Variants in MFSD6 observed in about 807,000 individuals in gnomAD.
MFSD6 encodes the protein major facilitator superfamily domain containing 6.
MFSD6 carries 26 observed loss-of-function variants against 56.3 expected under a neutral mutation model. The ratio of observed to expected loss-of-function variants is 0.46; its 90% CI spans 0.34 to 0.64. The LOEUF is 0.64. Among genes scored for constraint, MFSD6 ranks in the 30% least tolerant of loss-of-function variants. MFSD6 has a pLI of 0.01. For missense variants in MFSD6, 750 were observed against 986.2 expected (o/e 0.76, Z 3.21); for synonymous variants, 331 against 366.9 (o/e 0.90, Z 1.12).
chr2:190,435,447 C>T (rs951115896), intron 2 of MFSD6: 24 of 152,642 alleles, frequency 1.6e-4, no homozygotes, highest in African/African-American at 5.8e-4. Flanking sequence ...GTATCTTTGT[C>T]ATGGCTCCAG....
chr2:190,410,955 C>A lies in MFSD6; in HGVS notation c.-176+2452C>A. 1 of 173,544 alleles carries A rather than the reference C, an allele frequency of 5.8e-6. No homozygotes were observed. Among genetic ancestry groups the A allele is most frequent in the Non-Finnish European group, 1.1e-5 (1 of 88,218 alleles). The allele number at this position is 173,544 out of a possible 1,614,324, so 10.8% of individuals were successfully genotyped here. On this transcript the variant is annotated intron_variant, in intron 1 of 7. Coordinates refer to ENST00000392328, the MANE Select transcript of MFSD6 (RefSeq NM_017694.4). The surrounding 1 kb of genome is among the most constrained non-coding windows in gnomAD (Gnocchi z 4.4). ...CCTGGAATCCCAGCTACTCAGGGGG[C>A]TGAGGTAGAGAATTGCTTGAATCCG...
At chr2:190,432,677 A>G (rs1686044891) in intron 2 of MFSD6, among the ~76,000 whole-genome samples, 1 of 152,100 alleles carries the variant, frequency 6.6e-6, no homozygotes, top group Admixed American at 6.5e-5. Flanking sequence ...TCAACCTCCT[A>G]AAGTGCTTGA....
chr2:190,469,911 A>G lies in MFSD6; in HGVS notation c.1630+56A>G, dbSNP rs931566918. On this transcript the variant is annotated intron_variant, in intron 4 of 7. Transcript: ENST00000392328. The surrounding 1 kb of genome is among the most constrained non-coding windows in gnomAD (Gnocchi z 5.3). ...CTCTGCCTTCCCTGAGCTGTGGCTA[A>G]AAGCCCAGTGGCCTTCAGCATCTGA... 84 of 1,290,244 alleles carry G rather than the reference A, an allele frequency of 6.5e-5. No homozygotes were observed. The highest frequency in any genetic ancestry group is 9.2e-5 in the Non-Finnish European group (83 of 898,720). The allele number at this position is 1,290,244 out of a possible 1,614,324, so 79.9% of individuals were successfully genotyped here.
chr2:190,452,432 C>G (rs1316974486), intron 3 of MFSD6, among the ~76,000 whole-genome samples: 3 of 152,102 alleles, frequency 2.0e-5, no homozygotes, highest in Non-Finnish European at 4.4e-5. Context: ...CCTATTTAAT[C>G]TTTTTAACAG....
In MFSD6 at chr2:190,499,357, T is replaced by A. The variant is rs1389832848; in HGVS notation, c.2173-658T>A. ...TAATTTGGGGGAGAATCCATTTAAA[T>A]TTTTTTTTATTTGTACAACCAATAT... On this transcript the variant is annotated intron_variant, in intron 7 of 7. Transcript: ENST00000392328. This position sits in a 1 kb window ranked among gnomAD's most constrained non-coding sequence, Gnocchi z 6.0. Among the ~76,000 whole-genome samples the A allele has an allele frequency of 1.3e-5, 2 of 151,392 alleles. No homozygotes were observed. Among genetic ancestry groups the A allele is most frequent in the Admixed American group, 6.6e-5 (1 of 15,228 alleles).
At chr2:190,477,860 A>C (rs1426766823) in intron 4 of MFSD6, among the ~76,000 whole-genome samples, 1 of 152,166 alleles carries the variant, frequency 6.6e-6, no homozygotes, top group African/African-American at 2.4e-5. Context: ...TGTATTGAAA[A>C]ATTCCCTACA....
chr2:190,464,038 A>C (rs1687470619), intron 3 of MFSD6: 4 of 321,872 alleles, frequency 1.2e-5, no homozygotes. Flanking sequence ...GAAATTGCCC[A>C]AGTGGTCTGT....
At chr2:190,480,037 C>A (rs1175380036) in intron 4 of MFSD6, among the ~76,000 whole-genome samples, 3 of 152,168 alleles carry the variant, frequency 2.0e-5, no homozygotes, top group Admixed American at 6.5e-5. Flanking sequence ...GTGGCATGCG[C>A]CTGTGGTCCC....
rs1203207520 is a variant in MFSD6, at chr2:190,495,188, C to G, written c.1892-2251C>G. 6.9e-6 allele frequency among the ~76,000 whole-genome samples: 1 copy of G among 144,532 alleles called. No homozygotes were observed. Among genetic ancestry groups the G allele is most frequent in the Non-Finnish European group, 1.5e-5 (1 of 65,836 alleles). 94.8% of individuals were successfully genotyped at this position (144,532 alleles called of 152,430 possible). ...AAAATTAATGTACACAAATCAGTAGCTCTGCTGTACACCAACAGTGACCAA... is the reference window on the plus strand; with the variant it reads ...AAAATTAATGTACACAAATCAGTAGGTCTGCTGTACACCAACAGTGACCAA... On this transcript the variant is annotated intron_variant, in intron 6 of 7. Coordinates refer to ENST00000392328, the MANE Select transcript of MFSD6 (RefSeq NM_017694.4). The surrounding 1 kb of genome is among the most constrained non-coding windows in gnomAD (Gnocchi z 4.7).
At chr2:190,409,586 A>C (rs562785495) in intron 1 of MFSD6, among the ~76,000 whole-genome samples, 2 of 152,300 alleles carry the variant, frequency 1.3e-5, no homozygotes, top group East Asian at 3.9e-4. Context: ...TCCTTCTAGA[A>C]GTCCATGATT....
At position 190,502,085 on chromosome 2, in the gene MFSD6, T is replaced by G. The variant is rs1224531400; in HGVS notation, c.*1867T>G. ...AATGAATACCATTTTTAAATGTTTCTTAAATGATAAAGATGTGACCAAACA... is the reference window on the plus strand; with the variant it reads ...AATGAATACCATTTTTAAATGTTTCGTAAATGATAAAGATGTGACCAAACA... On this transcript the variant is annotated 3_prime_UTR_variant, in exon 8 of 8. Transcript: ENST00000392328. This position sits in a 1 kb window ranked among gnomAD's most constrained non-coding sequence, Gnocchi z 4.4. 1.3e-5 allele frequency: 2 copies of G among 152,644 alleles called. No individual in the cohort carries two copies. Among genetic ancestry groups the G allele is most frequent in the Admixed American group, 6.5e-5 (1 of 15,278 alleles). 9.5% of individuals were successfully genotyped at this position (152,644 alleles called of 1,614,324 possible).
At position 190,423,948 on chromosome 2, in the gene MFSD6, A is replaced by G. The variant is rs1685709469; in HGVS notation, c.-54+8535A>G. Among the ~76,000 whole-genome samples, 1 of 152,182 alleles carries G rather than the reference A, an allele frequency of 6.6e-6. No homozygotes were observed. The highest frequency in any genetic ancestry group is 2.4e-5 in the African/African-American group (1 of 41,432). Reference sequence around the variant, plus strand: ...TTTATATATCCTGTCTATCCTCTTCAGTGAAATGTCCCTTCACGTTTTTTG... The same window carrying G: ...TTTATATATCCTGTCTATCCTCTTCGGTGAAATGTCCCTTCACGTTTTTTG... On this transcript the variant is annotated intron_variant, in intron 2 of 7. Coordinates refer to ENST00000392328, the MANE Select transcript of MFSD6 (RefSeq NM_017694.4). This position sits in a 1 kb window ranked among gnomAD's most constrained non-coding sequence, Gnocchi z 4.3.
rs1687416229 is a variant in MFSD6, at chr2:190,463,129, A to G, written c.1533-6629A>G. Among the ~76,000 whole-genome samples, 2 of 152,228 alleles carry G rather than the reference A, an allele frequency of 1.3e-5. No individual in the cohort carries two copies. Among genetic ancestry groups the G allele is most frequent in the African/African-American group, 4.8e-5 (2 of 41,452 alleles). On this transcript the variant is annotated intron_variant, in intron 3 of 7. Coordinates refer to ENST00000392328, the MANE Select transcript of MFSD6 (RefSeq NM_017694.4). The surrounding 1 kb of genome is among the most constrained non-coding windows in gnomAD (Gnocchi z 4.4). ...CTATTCTGCTAGTGAGGGACACAGAAATCCTGGCAAGATATCCACAGTAGC... is the reference window on the plus strand; with the variant it reads ...CTATTCTGCTAGTGAGGGACACAGAGATCCTGGCAAGATATCCACAGTAGC...
intron 6 of MFSD6, among the ~76,000 whole-genome samples, chr2:190,493,642 A>T (rs1689494353): frequency 6.6e-6 from 1 of 152,228 alleles, no homozygotes; most frequent in African/African-American, 2.4e-5. Context: ...GTCTCAATAA[A>T]TTTAAGAAAA....
chr2:190,437,309 C>T lies in MFSD6; in HGVS notation c.1280C>T (p.Thr427Ile), dbSNP rs767451103. Reference protein sequence around the residue: ...TESSEETPTTTSHSQAFNFWD... With the variant: ...TESSEETPTTISHSQAFNFWD... ...TCCTCTGAGGAGACACCAACCACCA[C>T]AAGCCACTCGCAGGCCTTCAACTTT... The change falls in exon 3 of 8, where the codon ACA becomes ATA. Residue 427 changes from threonine to isoleucine, a missense_variant. Transcript: ENST00000392328. The surrounding 1 kb of genome is among the most constrained non-coding windows in gnomAD (Gnocchi z 5.9). 6.2e-7 allele frequency: 1 copy of T among 1,614,236 alleles called. No individual in the cohort carries two copies. The highest frequency in any genetic ancestry group is 2.2e-5 in the East Asian group (1 of 44,884).
chr2:190,480,170 CAACA>C (rs1027786721), intron 4 of MFSD6, among the ~76,000 whole-genome samples: 3 of 152,188 alleles, frequency 2.0e-5, no homozygotes, highest in Non-Finnish European at 2.9e-5. Flanking sequence ...CTCAAAACAA[CAACA>C]AACAAACAAA....
At chr2:190,452,141 A>G (rs1465472164) in intron 3 of MFSD6, among the ~76,000 whole-genome samples, 2 of 152,114 alleles carry the variant, frequency 1.3e-5, no homozygotes, top group Non-Finnish European at 2.9e-5. Flanking sequence ...AAAAGTAAAA[A>G]ACAAAAATAA....
chr2:190,455,852 A>G (rs555025455), intron 3 of MFSD6, among the ~76,000 whole-genome samples: 3 of 151,678 alleles, frequency 2.0e-5, no homozygotes, highest in Non-Finnish European at 4.4e-5. Flanking sequence ...TAAAAACAGA[A>G]TAGAGCAAAA....
At chr2:190,444,984 G>A (rs1400185669) in intron 3 of MFSD6, 8 of 396,692 alleles carry the variant, frequency 2.0e-5, no homozygotes, top group Non-Finnish European at 2.7e-5. Flanking sequence ...TGTAGTCCAG[G>A]CCTCTTATTT....
Sources: allele counts gnomAD v4.1 joint callset (sites outside exome capture counted in the v4.1 genomes callset), GRCh38; gene constraint gnomAD v4.1.1; non-coding constraint Gnocchi (gnomAD v3.1); transcripts MANE v1.5; gene names NCBI Gene and HGNC (gene_info 2026-07-23, HGNC 2026-07-21).